TXNRD1: variants seen among roughly 807,000 people sequenced by gnomAD.
TXNRD1 encodes thioredoxin reductase 1.
TXNRD1 carries 57 observed loss-of-function variants against 80.3 expected under a neutral mutation model. That is an observed-to-expected ratio of 0.71 (90% CI 0.57 to 0.89). The LOEUF (loss-of-function observed/expected upper bound fraction) is 0.89. Among genes scored for constraint, TXNRD1 ranks in the 40% least tolerant of loss-of-function variants. The pLI, the probability that TXNRD1 is intolerant of heterozygous loss-of-function variation, is 0.00. For synonymous variants in TXNRD1, 291 were observed against 285.2 expected (o/e 1.02, Z -0.20); for missense variants, 730 against 803.0 (o/e 0.91, Z 1.10).
At chr12:104,228,865 G>A (rs185783406) in intron 1 of TXNRD1, among the ~76,000 whole-genome samples, 23 of 150,602 alleles carry the variant, frequency 1.5e-4, no homozygotes, top group African/African-American at 4.4e-4. Flanking sequence ...GACTACAGGC[G>A]CCCGCCACCA....
Position 104,282,366 on chromosome 12 carries a change from C to T in TXNRD1, c.305-6565C>T, listed in dbSNP as rs144789912. Reference sequence around the variant, plus strand: ...CATTCTTGGAGCAATGTTTTGTACCCTGAGTGCTTTTCCCCCTAGCCCCTT... The same window carrying T: ...CATTCTTGGAGCAATGTTTTGTACCTTGAGTGCTTTTCCCCCTAGCCCCTT... On this transcript the variant is annotated intron_variant, in intron 3 of 16. Transcript: ENST00000525566. 4.6e-4 allele frequency among the ~76,000 whole-genome samples: 70 copies of T among 152,318 alleles called. 2 individuals are homozygous for T. The highest frequency in any genetic ancestry group is 1.6e-3 in the African/African-American group (66 of 41,566).
chr12:104,322,404 G>A (rs140958603), intron 10 of TXNRD1, among the ~76,000 whole-genome samples: 4,513 of 127,824 alleles, frequency 0.035, 111 homozygotes, highest in Middle Eastern at 0.13. Context: ...TTTTTGAGAC[G>A]GAGTTTTGCT....
chr12:104,304,550 C>T (rs770912295), intron 4 of TXNRD1: 5 of 1,613,844 alleles, frequency 3.1e-6, no homozygotes, highest in Admixed American at 1.7e-5. Flanking sequence ...TACAAAGTTG[C>T]AGAAGTTGGA....
At chr12:104,246,070 G>C (rs1231196891) in intron 1 of TXNRD1, among the ~76,000 whole-genome samples, 19 of 140,648 alleles carry the variant, frequency 1.4e-4, no homozygotes, top group African/African-American at 4.8e-4. Context: ...CTGAGATCGC[G>C]CCGCTGCACT....
intron 3 of TXNRD1, among the ~76,000 whole-genome samples, chr12:104,280,126 G>C (rs2033847269): frequency 7.0e-6 from 1 of 143,272 alleles, no homozygotes; most frequent in Non-Finnish European, 1.5e-5. Context: ...TCCTATTGTT[G>C]TTTTGTTTTG....
At chr12:104,280,863 A>G (rs1361046934) in intron 3 of TXNRD1, 1 of 152,144 alleles carries the variant, frequency 6.6e-6, no homozygotes, top group African/African-American at 2.4e-5. Flanking sequence ...TGTGTGAGTC[A>G]ATTCTTTAAA....
chr12:104,219,270 T>C (rs758340221), intron 1 of TXNRD1, among the ~76,000 whole-genome samples: 1 of 152,234 alleles, frequency 6.6e-6, no homozygotes, highest in African/African-American at 2.4e-5. Flanking sequence ...CTTTTGTGTG[T>C]CACCTACAAA....
chr12:104,291,196 C>CT (rs35069007), intron 4 of TXNRD1: 2,223 of 136,120 alleles, frequency 0.016, 45 homozygotes, highest in South Asian at 0.024. Flanking sequence ...TACTTTGTGT[C>CT]TTTTTTTTTT....
chr12:104,217,313 ATTTTG>A (rs2032237631), intron 1 of TXNRD1, among the ~76,000 whole-genome samples: 1 of 114,000 alleles, frequency 8.8e-6, no homozygotes, highest in African/African-American at 3.6e-5. Context: ...CATCTTAACA[ATTTTG>A]TTTTTTTTTT....
chr12:104,313,378 C>A, intron 6 of TXNRD1, 61 bp downstream of exon 6: 1 of 1,247,282 alleles, frequency 8.0e-7, no homozygotes. Context: ...TGGCAATAAT[C>A]TAACTGGTTC....
intron 3 of TXNRD1, among the ~76,000 whole-genome samples, chr12:104,273,311 G>A (rs533169799): frequency 1.3e-5 from 2 of 152,074 alleles, no homozygotes; most frequent in Admixed American, 6.6e-5. Context: ...AAGAATGCTC[G>A]GGCAGGGCGG....
intron 7 of TXNRD1, among the ~76,000 whole-genome samples, chr12:104,316,350 C>T (rs2035327464): frequency 6.6e-6 from 1 of 151,904 alleles, no homozygotes; most frequent in Admixed American, 6.6e-5. Flanking sequence ...CCCTAGAAAC[C>T]CTAGATGAGT....
intron 1 of TXNRD1, among the ~76,000 whole-genome samples, chr12:104,221,133 G>A (rs2032346833): frequency 6.6e-6 from 1 of 152,032 alleles, no homozygotes; most frequent in South Asian, 2.1e-4. Context: ...ATGGTGGCGT[G>A]CGCCTGTTAG....
At position 104,303,976 on chromosome 12, in the gene TXNRD1, C is replaced by A. The variant is rs765746560; in HGVS notation, c.415-7314C>A. On this transcript the variant is annotated intron_variant, in intron 4 of 16. Transcript: ENST00000525566. ...CAGTGAGGGCCGCGGGCTGCTCCGA[C>A]GACCTCAGCTCTGGGGAGGCCGACG... 4 of 1,606,154 alleles carry A rather than the reference C, an allele frequency of 2.5e-6. No homozygotes were observed. The South Asian group carries it at 3.3e-5, about 13-fold the overall frequency.
chr12:104,280,622 G>A (rs181141647), intron 3 of TXNRD1: 3 of 152,346 alleles, frequency 2.0e-5, no homozygotes, highest in East Asian at 1.9e-4. Context: ...TTTTTTAGAT[G>A]TGACTTACAA....
intron 15 of TXNRD1, among the ~76,000 whole-genome samples, chr12:104,338,316 G>A (rs2036207910): frequency 6.6e-6 from 1 of 151,776 alleles, no homozygotes; most frequent in African/African-American, 2.4e-5. Flanking sequence ...CTTTGTTCCT[G>A]TTTGAAGTGA....
chr12:104,228,971 G>A (rs1218631375), intron 1 of TXNRD1, among the ~76,000 whole-genome samples: 6 of 151,302 alleles, frequency 4.0e-5, no homozygotes, highest in Non-Finnish European at 7.4e-5. Flanking sequence ...CCCCCGCCTC[G>A]GCCTCCCAAA....
chr12:104,337,582 C>T (rs1168147425), intron 15 of TXNRD1, among the ~76,000 whole-genome samples: 1 of 151,854 alleles, frequency 6.6e-6, no homozygotes, highest in Non-Finnish European at 1.5e-5. Flanking sequence ...CTTTGCTGGG[C>T]ACAGTGGCTC....
At chr12:104,290,467 G>A (rs1042641281) in intron 4 of TXNRD1, among the ~76,000 whole-genome samples, 4 of 151,622 alleles carry the variant, frequency 2.6e-5, no homozygotes, top group South Asian at 2.1e-4. Context: ...CGAGGCAGGC[G>A]GATTGCTTTG....
Sources: allele counts gnomAD v4.1 joint callset (sites outside exome capture counted in the v4.1 genomes callset), GRCh38; gene constraint gnomAD v4.1.1; transcripts MANE v1.5; gene names NCBI Gene and HGNC (gene_info 2026-07-23, HGNC 2026-07-21).